The following OTULIN variants were observed in gnomAD, a reference collection of about 807,000 sequenced individuals.
OTULIN encodes ubiquitin thioesterase otulin.
OTULIN carries 15 observed loss-of-function variants against 39.6 expected under a neutral mutation model. That is an observed-to-expected ratio of 0.38 (90% confidence interval 0.25 to 0.58). The LOEUF (loss-of-function observed/expected upper bound fraction) is 0.58. Ranked by LOEUF, OTULIN falls within the 20% of genes least tolerant of loss-of-function variation. The probability of loss-of-function intolerance (pLI) is 0.66; values close to 1 mark genes in which losing one functional copy is unlikely to be tolerated. For missense variants in OTULIN, 319 were observed against 445.9 expected, an observed-to-expected ratio of 0.72 and a Z score of 2.56; for synonymous variants, 156 against 170.3, an observed-to-expected ratio of 0.92 and a Z score of 0.65.
downstream of OTULIN, among the ~76,000 whole-genome samples, chr5:14,703,733 G>A (rs1736860290): frequency 6.6e-6 from 1 of 152,182 alleles, no homozygotes; most frequent in African/African-American, 2.4e-5. Context: ...AGCTAGGCCT[G>A]ACCCTATGCC....
At chr5:14,685,835 T>TTTTTTTTTTTTTTTGAGAC (rs1553996401) in intron 4 of OTULIN, among the ~76,000 whole-genome samples, 1 of 151,914 alleles carries the variant, frequency 6.6e-6, no homozygotes, top group Non-Finnish European at 1.5e-5. Flanking sequence ...TGTAGTTCTT[T>TTTTTTTTTTTTTTTGAGAC]GTGCCCAATT....
chr5:14,681,406 T>C (rs1736246032), intron 3 of OTULIN, 58 bp from the exon 4 acceptor site: 1 of 1,530,846 alleles, frequency 6.5e-7, no homozygotes, highest in Admixed American at 2.1e-5. Context: ...GAATGAAACT[T>C]TCTCTGCTAT....
intron 1 of OTULIN, among the ~76,000 whole-genome samples, chr5:14,673,082 A>G (rs1736018007): frequency 6.6e-6 from 1 of 152,138 alleles, no homozygotes; most frequent in South Asian, 2.1e-4. Flanking sequence ...TAACAGCTGC[A>G]TGGGTGGCTG....
rs2126357372 is a variant in OTULIN, at chr5:14,698,405, G to C, written c.*5357G>C. 2 of 152,324 alleles carry C rather than the reference G, an allele frequency of 1.3e-5. No homozygotes were observed. Among genetic ancestry groups the C allele is most frequent in the Middle Eastern group, 6.8e-3 (2 of 294 alleles). The allele number at this position is 152,324 out of a possible 1,614,324, so 9.4% of individuals were successfully genotyped here. On this transcript the variant is annotated 3_prime_UTR_variant, in exon 7 of 7. Transcript: ENST00000284274. ...TGCCCCCGAGGCTCTGTGCAGTTTG[G>C]GGCCTTGGTTCCCACCTGCAGATGC...
the OTULIN span, among the ~76,000 whole-genome samples, chr5:14,712,417 A>G: frequency 6.6e-6 from 1 of 152,236 alleles, no homozygotes; most frequent in East Asian, 1.9e-4. Flanking sequence ...GCCCTTGCGC[A>G]AGCTCTCGGA....
chr5:14,665,871 C>T (rs942198581), intron 1 of OTULIN, among the ~76,000 whole-genome samples: 2 of 152,180 alleles, frequency 1.3e-5, no homozygotes, highest in African/African-American at 4.8e-5. Context: ...TAGACATTCT[C>T]ATTTGTTGAG....
intron 1 of OTULIN, among the ~76,000 whole-genome samples, chr5:14,666,481 C>A (rs541047638): frequency 1.4e-3 from 217 of 152,206 alleles, no homozygotes; most frequent in Non-Finnish European, 2.6e-3. Context: ...GCTGGAGAGA[C>A]CCTGATGCAT....
In OTULIN at chr5:14,696,808, CA is replaced by C. The variant is rs1736682452; in HGVS notation, c.*3761del. On this transcript the variant is annotated 3_prime_UTR_variant, in exon 7 of 7. Coordinates refer to ENST00000284274, the MANE Select transcript of OTULIN (RefSeq NM_138348.6). ...CTGTCTCGGGAAACCTCATTTGTGACATCATCTAAGGGGATGGGAAGACTAG... is the reference window on the plus strand; with the variant it reads ...CTGTCTCGGGAAACCTCATTTGTGACTCATCTAAGGGGATGGGAAGACTAG... The C allele has an allele frequency of 6.6e-6, 1 of 151,876 alleles. No individual in the cohort carries two copies. Among genetic ancestry groups the C allele is most frequent in the African/African-American group, 2.4e-5 (1 of 41,158 alleles). The allele number at this position is 151,876 out of a possible 1,614,324, so 9.4% of individuals were successfully genotyped here.
At chr5:14,713,538 A>T in the OTULIN span, 1 of 1,614,066 alleles carries the variant, frequency 6.2e-7, no homozygotes, top group Non-Finnish European at 8.5e-7. The surrounding 1 kb of genome is among the most constrained non-coding windows in gnomAD (Gnocchi z 4.4). Flanking sequence ...CTCCCTGACA[A>T]CATACCCCAG....
the OTULIN span, chr5:14,709,139 C>A: frequency 6.6e-6 from 1 of 152,200 alleles, no homozygotes; most frequent in Admixed American, 6.5e-5. Flanking sequence ...AGTGATCCAC[C>A]CTCCTTGGCC....
At chr5:14,673,266 C>T (rs925988393) in intron 1 of OTULIN, among the ~76,000 whole-genome samples, 3 of 152,200 alleles carry the variant, frequency 2.0e-5, no homozygotes, top group African/African-American at 7.2e-5. Flanking sequence ...TTTTTATCAG[C>T]ACTATCTCCA....
intron 3 of OTULIN, 96 bp from the exon 4 acceptor site, chr5:14,681,368 G>C: frequency 6.9e-7 from 1 of 1,443,604 alleles, no homozygotes; most frequent in Non-Finnish European, 9.3e-7. Context: ...CATCCTCCCA[G>C]TGATCCCAGG....
chr5:14,713,446 T>C, the OTULIN span: 214 of 1,511,684 alleles, frequency 1.4e-4, no homozygotes, highest in Middle Eastern at 3.4e-4. The surrounding 1 kb of genome is among the most constrained non-coding windows in gnomAD (Gnocchi z 4.4). Context: ...ATTCTAGACG[T>C]GCCTGGGGAT....
chr5:14,701,326 C>T (rs1453873843), downstream of OTULIN, among the ~76,000 whole-genome samples: 1 of 152,216 alleles, frequency 6.6e-6, no homozygotes, highest in African/African-American at 2.4e-5. Context: ...CCTAGGTGGC[C>T]TTGTGGGGCA....
chr5:14,676,318 A>C (rs1223261422), intron 2 of OTULIN, among the ~76,000 whole-genome samples: 2 of 152,182 alleles, frequency 1.3e-5, no homozygotes, highest in Non-Finnish European at 2.9e-5. Context: ...GTTTGCAACT[A>C]AAGAAAGTTG....
the OTULIN span, chr5:14,709,882 C>T: frequency 1.3e-5 from 2 of 152,604 alleles, no homozygotes; most frequent in African/African-American, 2.4e-5. Flanking sequence ...AAATAAATTA[C>T]ATAACATATA....
Position 14,681,577 on chromosome 5 carries a change from G to T in OTULIN, c.438G>T (p.Pro146=), listed in dbSNP as rs958675266. ...CCATGAGCCAGGCTGTGGGGCTGCCGCCCTGGCTGCAGGACCCGGAGCTCA... is the reference window on the plus strand; with the variant it reads ...CCATGAGCCAGGCTGTGGGGCTGCCTCCCTGGCTGCAGGACCCGGAGCTCA... ...FQAMSQAVGL[P]PWLQDPELML... The change falls in exon 4 of 7, where the codon CCG becomes CCT. Residue 146 remains proline (P), a synonymous_variant. Coordinates refer to ENST00000284274, the MANE Select transcript of OTULIN (RefSeq NM_138348.6). 2 of 1,613,882 alleles carry T rather than the reference G, an allele frequency of 1.2e-6. No individual in the cohort carries two copies. The highest frequency in any genetic ancestry group is 1.7e-5 in the Admixed American group (1 of 59,952).
At chr5:14,680,498 T>G (rs1024493597) in intron 3 of OTULIN, among the ~76,000 whole-genome samples, 2 of 152,072 alleles carry the variant, frequency 1.3e-5, no homozygotes, top group Non-Finnish European at 1.5e-5. Flanking sequence ...CAATGAAAAG[T>G]TGGATGAGTT....
chr5:14,667,723 T>A (rs1264315390), intron 1 of OTULIN, among the ~76,000 whole-genome samples: 6 of 152,158 alleles, frequency 3.9e-5, no homozygotes, highest in Admixed American at 3.9e-4. Flanking sequence ...CCTCCCTCTC[T>A]TCCTTCCTTT....
Sources: gnomAD v4.1 joint callset for allele counts (sites outside exome capture counted in the v4.1 genomes callset) on GRCh38, gnomAD v4.1.1 for gene constraint, Gnocchi (gnomAD v3.1) non-coding constraint, MANE v1.5 for transcripts, NCBI Gene and HGNC (gene_info 2026-07-23, HGNC 2026-07-21) for gene names.